The following ZNF487 variants were observed in gnomAD, a reference collection of about 807,000 sequenced individuals.
ZNF487 encodes zinc finger protein 487.
In ZNF487, 4 loss-of-function variants were observed where a neutral mutation model predicts 3.0. The ratio of observed to expected loss-of-function variants is 1.35; its 90% CI spans 0.66 to 3.08. The LOEUF (loss-of-function observed/expected upper bound fraction) is 3.08, where lower values mean the gene tolerates loss of function less well. ZNF487 is among the 30% of genes most tolerant of loss of function. The pLI, the probability that ZNF487 is intolerant of heterozygous loss-of-function variation, is 0.01. For synonymous variants in ZNF487, 55 were observed against 34.6 expected (o/e 1.59, Z -2.06); for missense variants, 146 against 98.7 (o/e 1.48, Z -2.03).
rs1296958315 is a variant in ZNF487 at position 43,459,771 on chromosome 10, A to T, written c.-93-15950A>T. Among the ~76,000 whole-genome samples, 3 of 30,810 alleles carry T rather than the reference A, an allele frequency of 9.7e-5. No individual in the cohort carries two copies. The African/African-American group carries it at 1.2e-3, about 12-fold the overall frequency. The allele number at this position is 30,810 out of a possible 152,430, so 20.2% of individuals were successfully genotyped here. On this transcript the variant is annotated intron_variant, in intron 1 of 3. Coordinates refer to ENST00000437590, the MANE Select transcript of ZNF487 (RefSeq NM_001355444.3). ...GCCGTGTTGCTCAGGCTGTGAGTTT[A>T]TTATTATTATTATTATTATTATTAT...
chr10:43,498,091 ATATATATATTTTTTTTTTTTTTCT>A, the ZNF487 span, among the ~76,000 whole-genome samples: 44 of 27,950 alleles, frequency 1.6e-3, 1 homozygote, highest in East Asian at 3.3e-3. Flanking sequence ...ATATATATAT[ATATATATATTTTTTTTTTTTTTCT>A]TTTTTTTTTT....
At chr10:43,441,997 C>T (rs1839629104) in intron 1 of ZNF487, among the ~76,000 whole-genome samples, 2 of 151,954 alleles carry the variant, frequency 1.3e-5, no homozygotes, top group East Asian at 3.8e-4. Context: ...GAGGTAGAGG[C>T]GGGAAAATCA....
intron 1 of ZNF487, among the ~76,000 whole-genome samples, chr10:43,473,586 T>G (rs1247858298): frequency 2.0e-5 from 3 of 152,000 alleles, no homozygotes; most frequent in Non-Finnish European, 4.4e-5. Context: ...TGGCGCGATC[T>G]CAGCTCACTG....
the ZNF487 span, among the ~76,000 whole-genome samples, chr10:43,505,768 G>GAGT: frequency 6.6e-6 from 1 of 151,986 alleles, no homozygotes; most frequent in African/African-American, 2.4e-5. Flanking sequence ...TCAGCCTCCT[G>GAGT]AGTAGCTGGG....
the ZNF487 span, among the ~76,000 whole-genome samples, chr10:43,489,410 A>G: frequency 4.6e-5 from 7 of 152,194 alleles, no homozygotes; most frequent in East Asian, 9.6e-4. Context: ...CTGGAGTGCA[A>G]TAATGTGATC....
the ZNF487 span, among the ~76,000 whole-genome samples, chr10:43,516,077 GC>G: frequency 1.3e-5 from 2 of 152,140 alleles, no homozygotes; most frequent in African/African-American, 4.8e-5. Flanking sequence ...ACCGTGCCCA[GC>G]CTAGTTCATC....
chr10:43,461,687 C>T lies in ZNF487; in HGVS notation c.-93-14034C>T, dbSNP rs911658148. Among the ~76,000 whole-genome samples the T allele has an allele frequency of 1.1e-4, 17 of 152,224 alleles. 1 individual carries two copies. The South Asian group carries it at 3.5e-3, about 32-fold the overall frequency. ...ATGTTTAGTGTTTTCTCTTTATTCTCCATGAGTGCTTGTGTAAGATTGGTG... is the reference window on the plus strand; with the variant it reads ...ATGTTTAGTGTTTTCTCTTTATTCTTCATGAGTGCTTGTGTAAGATTGGTG... On this transcript the variant is annotated intron_variant, in intron 1 of 3. Transcript: ENST00000437590.
chr10:43,501,611 GCGCC>G, the ZNF487 span, among the ~76,000 whole-genome samples: 626 of 82,752 alleles, frequency 7.6e-3, 5 homozygotes, highest in Middle Eastern at 0.032. Context: ...ATAGTGGCAT[GCGCC>G]TGTAGTCCCA....
the ZNF487 span, among the ~76,000 whole-genome samples, chr10:43,512,640 AC>A: frequency 6.6e-6 from 1 of 152,116 alleles, no homozygotes; most frequent in Non-Finnish European, 1.5e-5. Flanking sequence ...TCCAAACAGC[AC>A]CCTGTCTGTC....
At chr10:43,507,969 G>A in the ZNF487 span, among the ~76,000 whole-genome samples, 684 of 152,292 alleles carry the variant, frequency 4.5e-3, 3 homozygotes, top group African/African-American at 0.016. Flanking sequence ...TGGAAAAGGC[G>A]GGACTGTTGC....
At chr10:43,480,327 C>T (rs1300619925) in intron 3 of ZNF487, among the ~76,000 whole-genome samples, 2 of 146,122 alleles carry the variant, frequency 1.4e-5, no homozygotes, top group African/African-American at 2.5e-5. Flanking sequence ...AGGCTGGTCT[C>T]GAGCTCCTGA....
chr10:43,436,969 G>A (rs1353422328), upstream of ZNF487: 1 of 446,554 alleles, frequency 2.2e-6, no homozygotes, highest in East Asian at 8.5e-5. Flanking sequence ...GAGGGCAGCT[G>A]GTAGCAGGGT....
intron 1 of ZNF487, among the ~76,000 whole-genome samples, chr10:43,470,363 G>A (rs1840861166): frequency 1.3e-5 from 2 of 151,676 alleles, no homozygotes; most frequent in Non-Finnish European, 2.9e-5. Flanking sequence ...ACAGGTGCAT[G>A]CCACTATGCC....
At position 43,437,259 on chromosome 10, in the gene ZNF487, C is replaced by G. The variant is rs1030373475; in HGVS notation, c.-97C>G. The G allele has an allele frequency of 2.9e-5, 6 of 209,360 alleles. No individual in the cohort carries two copies. Among genetic ancestry groups the G allele is most frequent in the African/African-American group, 4.8e-5 (2 of 41,654 alleles). 13.0% of individuals were successfully genotyped at this position (209,360 alleles called of 1,614,324 possible). ...AGGGGGAGCGTGGAGCCTCCGAGGC[C>G]GAGGTGAGGGGCGGCCGGCGGGCAG... On this transcript the variant is annotated 5_prime_UTR_variant, in exon 1 of 4. Coordinates refer to ENST00000437590, the MANE Select transcript of ZNF487 (RefSeq NM_001355444.3).
At chr10:43,516,991 G>A in the ZNF487 span, among the ~76,000 whole-genome samples, 1 of 152,236 alleles carries the variant, frequency 6.6e-6, no homozygotes, top group Non-Finnish European at 1.5e-5. Context: ...GGGTACCGTA[G>A]CAGCCTTGTC....
chr10:43,481,192 A>G (rs1841340613), intron 3 of ZNF487, among the ~76,000 whole-genome samples: 1 of 152,020 alleles, frequency 6.6e-6, no homozygotes, highest in Non-Finnish European at 1.5e-5. Flanking sequence ...TTAGCCAGGC[A>G]TGGTGGTACA....
intron 1 of ZNF487, among the ~76,000 whole-genome samples, chr10:43,465,132 G>A (rs1156647452): frequency 4.4e-4 from 54 of 121,834 alleles, no homozygotes; most frequent in African/African-American, 1.6e-3. Flanking sequence ...GCGGCTGGCC[G>A]GGCGGGGGGC....
the ZNF487 span, among the ~76,000 whole-genome samples, chr10:43,491,598 C>T: frequency 6.6e-6 from 1 of 151,718 alleles, no homozygotes; most frequent in South Asian, 2.1e-4. Flanking sequence ...GTCCGAGACC[C>T]CTCTAGCCCT....
intron 1 of ZNF487, among the ~76,000 whole-genome samples, chr10:43,473,109 CTTT>C (rs367584724): frequency 3.0e-5 from 4 of 134,722 alleles, no homozygotes; most frequent in Non-Finnish European, 3.2e-5. Context: ...TATTAGGACA[CTTT>C]TTTTTTTTTT....
Sources: allele counts gnomAD v4.1 joint callset (sites outside exome capture counted in the v4.1 genomes callset), GRCh38; gene constraint gnomAD v4.1.1; transcripts MANE v1.5; gene names NCBI Gene and HGNC (gene_info 2026-07-23, HGNC 2026-07-21).